SHTN1: variants seen among roughly 807,000 people sequenced by gnomAD.
The protein encoded by SHTN1 is shootin-1.
SHTN1 carries 42 observed loss-of-function variants against 83.1 expected under a neutral mutation model. The ratio of observed to expected loss-of-function variants is 0.51; its 90% CI spans 0.39 to 0.65. SHTN1 has a LOEUF of 0.65. Ranked by LOEUF, SHTN1 falls within the 30% of genes least tolerant of loss-of-function variation. SHTN1 has a pLI of 0.00. For missense variants in SHTN1, 622 were observed against 737.8 expected, an observed-to-expected ratio of 0.84 and a Z score of 1.82; for synonymous variants, 224 against 247.7, an observed-to-expected ratio of 0.90 and a Z score of 0.90.
chr10:117,005,131 C>T lies in SHTN1; in HGVS notation c.-52G>A, dbSNP rs1273222264. The T allele has an allele frequency of 9.0e-6, 14 of 1,562,062 alleles. No homozygotes were observed. Among genetic ancestry groups the T allele is most frequent in the African/African-American group, 2.7e-5 (2 of 73,980 alleles). On this transcript the variant is annotated 5_prime_UTR_variant, in exon 1 of 17. The change creates a new upstream start codon in the 5' untranslated region. Coordinates refer to ENST00000355371, the MANE Select transcript of SHTN1 (RefSeq NM_001127211.3). The stretch of plus-strand genomic sequence containing the variant: ...GGGAAAGAGGGAGCGGCGCGGGGCA[C>T]ACAGGAGGAGGGGGAAGAAAAAGCA...
At chr10:116,974,014 C>A in intron 2 of SHTN1, 1 of 1,080,272 alleles carries the variant, frequency 9.3e-7, no homozygotes, top group Non-Finnish European at 1.1e-6. Flanking sequence ...AAATCATTCC[C>A]ACTAGGATGG....
At chr10:117,026,641 C>T (rs1164337376) in intron 2 of SHTN1, among the ~76,000 whole-genome samples, 1 of 152,008 alleles carries the variant, frequency 6.6e-6, no homozygotes, top group South Asian at 2.1e-4. Context: ...AGGCTGGTGT[C>T]AATCTCCTGA....
chr10:117,070,401 C>T (rs1007506669), intron 1 of SHTN1, among the ~76,000 whole-genome samples: 4 of 152,046 alleles, frequency 2.6e-5, no homozygotes, highest in Non-Finnish European at 5.9e-5. Context: ...GGCTCCTTTC[C>T]TCTATCTGCT....
At chr10:116,905,668 T>C (rs74451271) in intron 15 of SHTN1, among the ~76,000 whole-genome samples, 7,965 of 152,272 alleles carry the variant, frequency 0.052, 319 homozygotes, top group Non-Finnish European at 0.071. Context: ...ATTTGGTCAA[T>C]GTGACTCAGC....
chr10:117,057,590 G>C (rs540783304), intron 1 of SHTN1, among the ~76,000 whole-genome samples: 1 of 152,198 alleles, frequency 6.6e-6, no homozygotes, highest in South Asian at 2.1e-4. Context: ...TGGGAGCCAG[G>C]CATTTAGGGG....
At chr10:116,966,860 C>T (rs1015279108) in intron 3 of SHTN1, among the ~76,000 whole-genome samples, 3 of 152,160 alleles carry the variant, frequency 2.0e-5, no homozygotes, top group African/African-American at 4.8e-5. Context: ...AGAATAAGTA[C>T]ATTCCATAAG....
chr10:117,022,115 C>G (rs1852270908), intron 2 of SHTN1, among the ~76,000 whole-genome samples: 1 of 152,060 alleles, frequency 6.6e-6, no homozygotes, highest in South Asian at 2.1e-4. Flanking sequence ...TCTTGGACTC[C>G]TGACTATATC....
chr10:116,994,847 G>A (rs534789928), intron 1 of SHTN1, among the ~76,000 whole-genome samples: 2 of 92,070 alleles, frequency 2.2e-5, no homozygotes, highest in Non-Finnish European at 4.5e-5. Flanking sequence ...GGGCTCCCTG[G>A]AAGTCTGAAA....
intron 1 of SHTN1, among the ~76,000 whole-genome samples, chr10:117,104,030 T>C (rs923186624): frequency 2.0e-5 from 3 of 152,198 alleles, no homozygotes; most frequent in South Asian, 4.1e-4. Context: ...TGAAGTATTA[T>C]TGTCTCCATT....
intron 1 of SHTN1, among the ~76,000 whole-genome samples, chr10:116,998,257 TG>T: frequency 6.6e-6 from 1 of 152,358 alleles, no homozygotes; most frequent in South Asian, 2.1e-4. Flanking sequence ...AATATTCTGT[TG>T]TTCAGAGTTC....
At chr10:116,974,569 C>T (rs1850724446) in intron 2 of SHTN1, among the ~76,000 whole-genome samples, 1 of 152,098 alleles carries the variant, frequency 6.6e-6, no homozygotes, top group Non-Finnish European at 1.5e-5. Flanking sequence ...ATTCATTGTT[C>T]CTGGCAAGCT....
Position 116,884,517 on chromosome 10 carries a change from T to C in SHTN1, c.*1827A>G, listed in dbSNP as rs1434882357. 1 of 326,730 alleles carries C rather than the reference T, an allele frequency of 3.1e-6. No homozygotes were observed. The highest frequency in any genetic ancestry group is 7.8e-5 in the East Asian group (1 of 12,806). The allele number at this position is 326,730 out of a possible 1,614,324, so 20.2% of individuals were successfully genotyped here. On this transcript the variant is annotated 3_prime_UTR_variant, in exon 17 of 17. Coordinates refer to ENST00000355371, the MANE Select transcript of SHTN1 (RefSeq NM_001127211.3). ...CAACTTCTTACTCTAGAAAGGAGGG[T>C]ATTTTGATAACCATATTATTCTGTG...
chr10:117,004,176 C>T (rs1280016608), intron 1 of SHTN1, among the ~76,000 whole-genome samples: 1 of 152,128 alleles, frequency 6.6e-6, no homozygotes, highest in African/African-American at 2.4e-5. Context: ...CGTGAGCCAC[C>T]GCACCCGGCT....
intron 1 of SHTN1, among the ~76,000 whole-genome samples, chr10:116,995,608 G>A (rs1825311373): frequency 6.6e-6 from 1 of 151,952 alleles, no homozygotes; most frequent in Non-Finnish European, 1.5e-5. Context: ...CTTATTTTTA[G>A]GATAATATAG....
chr10:116,964,783 G>C (rs1309119382), intron 3 of SHTN1, among the ~76,000 whole-genome samples: 1 of 152,124 alleles, frequency 6.6e-6, no homozygotes, highest in Non-Finnish European at 1.5e-5. Context: ...AGGAGTTCGA[G>C]ACCAGCCCGG....
chr10:116,968,551 G>GT, intron 3 of SHTN1, 101 bp downstream of exon 3: 1 of 766,742 alleles, frequency 1.3e-6, no homozygotes, highest in Non-Finnish European at 2.1e-6. Flanking sequence ...TTTCTTGATT[G>GT]TATGACCAGG....
At position 117,005,068 on chromosome 10, in the gene SHTN1, C is replaced by A; in HGVS notation, c.12G>T (p.Ser4=). MNS[S]DEEKQLQLIT... ...TGAGCTGCAGCTGCTTCTCTTCGTCCGAGCTGTTCATTTTGGCGGGTGGGG... is the reference window on the plus strand; with the variant it reads ...TGAGCTGCAGCTGCTTCTCTTCGTCAGAGCTGTTCATTTTGGCGGGTGGGG... Residue 4 remains serine, a synonymous_variant, in exon 1 of 17, where the codon TCG becomes TCT. Coordinates refer to ENST00000355371, the MANE Select transcript of SHTN1 (RefSeq NM_001127211.3). 1 of 1,598,428 alleles carries A rather than the reference C, an allele frequency of 6.3e-7. No individual in the cohort carries two copies. The highest frequency in any genetic ancestry group is 8.5e-7 in the Non-Finnish European group (1 of 1,172,796).
chr10:117,092,968 C>G (rs1226748754), intron 1 of SHTN1, among the ~76,000 whole-genome samples: 1 of 152,150 alleles, frequency 6.6e-6, no homozygotes, highest in Non-Finnish European at 1.5e-5. Flanking sequence ...TTCAACAATT[C>G]TAAGGGCTTC....
intron 2 of SHTN1, among the ~76,000 whole-genome samples, chr10:117,030,448 A>G (rs1852398442): frequency 6.6e-6 from 1 of 152,134 alleles, no homozygotes; most frequent in South Asian, 2.1e-4. Flanking sequence ...GCCCAGACAC[A>G]GACAAGTATC....
Sources: gnomAD v4.1 joint callset for allele counts (sites outside exome capture counted in the v4.1 genomes callset) on GRCh38, gnomAD v4.1.1 for gene constraint, MANE v1.5 for transcripts, NCBI Gene and HGNC (gene_info 2026-07-23, HGNC 2026-07-21) for gene names.